The following KCNA3 variants were observed in gnomAD, a reference collection of about 807,000 sequenced individuals.
The protein encoded by KCNA3 is potassium voltage-gated channel subfamily A member 3.
In KCNA3, 18 loss-of-function variants were observed where a neutral mutation model predicts 34.3. The observed-to-expected ratio is 0.52, with a 90% CI of 0.36 to 0.78. The LOEUF (loss-of-function observed/expected upper bound fraction) is 0.78. Ranked by LOEUF, KCNA3 falls within the 30% of genes least tolerant of loss-of-function variation. KCNA3 has a pLI of 0.00. For missense variants in KCNA3, 587 were observed against 802.5 expected, an observed-to-expected ratio of 0.73 and a Z score of 3.24; for synonymous variants, 324 against 351.7, an observed-to-expected ratio of 0.92 and a Z score of 0.88.
chr1:110,670,352 G>A (rs764110535), downstream of KCNA3, among the ~76,000 whole-genome samples: 4 of 152,090 alleles, frequency 2.6e-5, no homozygotes, highest in African/African-American at 4.8e-5. Flanking sequence ...TGAGTCAAAA[G>A]CCAGGATATT....
rs1272194613 is a variant in KCNA3 at position 110,674,162 on chromosome 1, G to T, written c.648C>A (p.Phe216Leu). The change falls in exon 1 of 1, where the codon TTC (phenylalanine) becomes TTA (leucine). Residue 216 changes from phenylalanine to leucine, a missense_variant. By Grantham distance (22) the Phe-to-Leu change is conservative. Coordinates refer to ENST00000369769, the MANE Select transcript of KCNA3 (RefSeq NM_002232.5). The surrounding 1 kb of genome is among the most constrained non-coding windows in gnomAD (Gnocchi z 6.4). ...EEERPLPRRDFQRQVWLLFEY... is the reference protein window; with the variant it reads ...EEERPLPRRDLQRQVWLLFEY... ...CGAAGAGCAGCCACACCTGGCGCTGGAAGTCGCGGCGGGGCAAGGGCCGCT... is the reference window on the plus strand; with the variant it reads ...CGAAGAGCAGCCACACCTGGCGCTGTAAGTCGCGGCGGGGCAAGGGCCGCT... 1 of 1,613,476 alleles carries T rather than the reference G, an allele frequency of 6.2e-7. No individual in the cohort carries two copies. The highest frequency in any genetic ancestry group is 1.1e-5 in the South Asian group (1 of 90,994).
At chr1:110,662,051 T>C in the KCNA3 span, among the ~76,000 whole-genome samples, 1 of 139,624 alleles carries the variant, frequency 7.2e-6, no homozygotes, top group Admixed American at 8.1e-5. Flanking sequence ...AGGCAAAACT[T>C]GCAGTGAGCC....
the KCNA3 span, among the ~76,000 whole-genome samples, chr1:110,664,912 C>T: frequency 0.67 from 101,716 of 152,110 alleles, 34,137 homozygotes; most frequent in African/African-American, 0.73. Flanking sequence ...TATCAGATGC[C>T]AGAACATCCC....
chr1:110,668,913 T>C (rs1651785073), downstream of KCNA3, among the ~76,000 whole-genome samples: 2 of 152,200 alleles, frequency 1.3e-5, no homozygotes, highest in African/African-American at 4.8e-5. Context: ...TGTGCAAACG[T>C]AGGCTCATTA....
chr1:110,663,603 G>A, the KCNA3 span, among the ~76,000 whole-genome samples: 1 of 152,192 alleles, frequency 6.6e-6, no homozygotes, highest in Non-Finnish European at 1.5e-5. Context: ...TACTGCAGAG[G>A]AAAGTGCCTT....
the KCNA3 span, chr1:110,654,472 G>A: frequency 6.6e-6 from 1 of 152,076 alleles, no homozygotes; most frequent in South Asian, 2.1e-4. Context: ...CTGTTCAGAA[G>A]TCAGTCCTTA....
chr1:110,661,284 G>T, the KCNA3 span, among the ~76,000 whole-genome samples: 5 of 152,114 alleles, frequency 3.3e-5, no homozygotes, highest in African/African-American at 1.2e-4. Flanking sequence ...ACTGTGTGCT[G>T]GGCAATCAAT....
chr1:110,671,643 C>A (rs1033899243), downstream of KCNA3, among the ~76,000 whole-genome samples: 19 of 152,110 alleles, frequency 1.2e-4, no homozygotes, highest in East Asian at 2.3e-3. Context: ...TTGTCAAGTG[C>A]TGTGATGATG....
At chr1:110,658,568 T>C in the KCNA3 span, among the ~76,000 whole-genome samples, 1 of 152,154 alleles carries the variant, frequency 6.6e-6, no homozygotes, top group Non-Finnish European at 1.5e-5. Flanking sequence ...TGGGAAGCCA[T>C]CTTCATGACC....
chr1:110,660,300 A>G, the KCNA3 span, among the ~76,000 whole-genome samples: 1 of 152,168 alleles, frequency 6.6e-6, no homozygotes, highest in Non-Finnish European at 1.5e-5. Context: ...AACCAGTGTG[A>G]TAGTTTGCTT....
chr1:110,665,714 G>C, the KCNA3 span, among the ~76,000 whole-genome samples: 1 of 152,144 alleles, frequency 6.6e-6, no homozygotes, highest in African/African-American at 2.4e-5. Context: ...GAAAGAACCA[G>C]TAAATAAGAT....
chr1:110,665,407 G>C, the KCNA3 span, among the ~76,000 whole-genome samples: 7 of 152,134 alleles, frequency 4.6e-5, no homozygotes, highest in African/African-American at 2.4e-5. Flanking sequence ...GAAGAATCAA[G>C]GATAATTCCA....
chr1:110,671,811 T>C (rs573862011), downstream of KCNA3, among the ~76,000 whole-genome samples: 9 of 152,364 alleles, frequency 5.9e-5, no homozygotes, highest in Admixed American at 5.2e-4. Flanking sequence ...TTGAAAGTTC[T>C]TGGAGAAAGA....
downstream of KCNA3, among the ~76,000 whole-genome samples, chr1:110,672,056 T>A (rs1002745838): frequency 6.6e-6 from 1 of 152,222 alleles, no homozygotes; most frequent in Non-Finnish European, 1.5e-5. Flanking sequence ...AAACAGTGGT[T>A]TTCCTTATGA....
the KCNA3 span, chr1:110,655,026 T>C: frequency 2.0e-5 from 3 of 152,124 alleles, no homozygotes; most frequent in Non-Finnish European, 4.4e-5. Flanking sequence ...ATTGAGGTGT[T>C]GTATTTGTTA....
In KCNA3 at chr1:110,674,107, C is replaced by G. The variant is rs1021586713; in HGVS notation, c.703G>C (p.Gly235Arg). The part of the protein sequence containing the change: ...EYPESSGPAR[G>R]IAIVSVLVIL... ...ACCAGCACGGACACGATGGCGATGC[C>G]CCGGGCCGGCCCGGAGCTCTCGGGG... is the stretch of plus-strand genomic sequence containing the variant. Residue 235 changes from glycine (G) to arginine (R), a missense_variant, in exon 1 of 1, where the codon GGC (glycine) becomes CGC (arginine). Around this residue, in one of 7 missense-constraint regions of KCNA3, gnomAD observed 341 missense variants for 355.4 expected, o/e 0.96. Transcript: ENST00000369769. The surrounding 1 kb of genome is among the most constrained non-coding windows in gnomAD (Gnocchi z 6.4). The G allele has an allele frequency of 3.7e-6, 6 of 1,610,364 alleles. No individual in the cohort carries two copies. The highest frequency in any genetic ancestry group is 5.1e-6 in the Non-Finnish European group (6 of 1,178,306).
At chr1:110,661,390 A>G in the KCNA3 span, among the ~76,000 whole-genome samples, 1 of 152,230 alleles carries the variant, frequency 6.6e-6, no homozygotes, top group Non-Finnish European at 1.5e-5. Context: ...TGATTTTAAA[A>G]GTCTTAACGC....
At chr1:110,666,677 AG>A in the KCNA3 span, among the ~76,000 whole-genome samples, 1 of 152,178 alleles carries the variant, frequency 6.6e-6, no homozygotes, top group Non-Finnish European at 1.5e-5. Flanking sequence ...AAGAAATGTG[AG>A]GATGCCATTA....
At chr1:110,660,738 G>C in the KCNA3 span, among the ~76,000 whole-genome samples, 1 of 152,138 alleles carries the variant, frequency 6.6e-6, no homozygotes, top group Non-Finnish European at 1.5e-5. Context: ...TAAAGATTTG[G>C]TGCTTCCCTT....
Sources: allele counts gnomAD v4.1 joint callset (sites outside exome capture counted in the v4.1 genomes callset), GRCh38; gene constraint gnomAD v4.1.1; regional missense constraint gnomAD v4.1.1; non-coding constraint Gnocchi (gnomAD v3.1); transcripts MANE v1.5; gene names NCBI Gene and HGNC (gene_info 2026-07-23, HGNC 2026-07-21).